The following ABCD3 variants were observed in gnomAD, a reference collection of about 807,000 sequenced individuals.
ABCD3 encodes ATP binding cassette subfamily D member 3, also known as ATP-binding cassette sub-family D member 3.
ABCD3 carries 41 observed loss-of-function variants against 105.5 expected under a neutral mutation model. That is an observed-to-expected ratio of 0.39 (90% CI 0.30 to 0.50). The LOEUF is 0.50. ABCD3 is among the 20% of genes least tolerant of loss of function. The pLI is 0.84. For missense variants in ABCD3, 622 were observed against 806.3 expected (o/e 0.77, Z 2.77); for synonymous variants, 258 against 269.0 (o/e 0.96, Z 0.40).
At chr1:94,486,463 C>T (rs1047947016) in intron 10 of ABCD3, among the ~76,000 whole-genome samples, 6 of 152,186 alleles carry the variant, frequency 3.9e-5, no homozygotes, top group African/African-American at 1.2e-4. Context: ...GTGTCTGACA[C>T]ATGGTAGTCA....
intron 1 of ABCD3, 103 bp downstream of exon 1, chr1:94,418,691 C>A: frequency 7.7e-7 from 1 of 1,298,344 alleles, no homozygotes; most frequent in Non-Finnish European, 1.1e-6. Flanking sequence ...CCGACGGGGT[C>A]GGGCGGAGAG....
chr1:94,386,918 A>G, the ABCD3 span, among the ~76,000 whole-genome samples: 8,897 of 152,236 alleles, frequency 0.058, 294 homozygotes, highest in East Asian at 0.11. Context: ...AATGAGCAGC[A>G]TTTCTTTTAT....
At position 94,477,227 on chromosome 1, in the gene ABCD3, CAAAAAAAAAAAAAA is replaced by C. The variant is rs561060182; in HGVS notation, c.628-1017_628-1004del. ...TCTAGCTTCTTGATAACTTATAAGG[CAAAAAAAAAAAAAA>C]AAAAAAAAAAAAAAGGAAAGGGAAA... is the stretch of plus-strand genomic sequence containing the variant. On this transcript the variant is annotated intron_variant, in intron 7 of 22. Transcript: ENST00000370214. Among the ~76,000 whole-genome samples the C allele has an allele frequency of 3.7e-3, 162 of 44,330 alleles. 4 individuals are homozygous for C. Among genetic ancestry groups the C allele is most frequent in the African/African-American group, 4.9e-3 (55 of 11,306 alleles). 29.1% of individuals were successfully genotyped at this position (44,330 alleles called of 152,430 possible).
At chr1:94,499,143 C>G in intron 19 of ABCD3, 109 bp downstream of exon 19, 1 of 1,029,798 alleles carries the variant, frequency 9.7e-7, no homozygotes, top group Non-Finnish European at 1.5e-6. Context: ...GTAAAGCCTT[C>G]CAAAGCTGTA....
At chr1:94,455,718 T>C in intron 1 of ABCD3, 4 of 597,926 alleles carry the variant, frequency 6.7e-6, no homozygotes, top group Non-Finnish European at 1.1e-5. Context: ...GATGTCATGG[T>C]TCCCTCTGAA....
intron 2 of ABCD3, among the ~76,000 whole-genome samples, chr1:94,460,957 ATTTTACTCATTT>A (rs1557672406): frequency 1.3e-5 from 2 of 151,984 alleles, no homozygotes; most frequent in African/African-American, 4.8e-5. Flanking sequence ...AGCTAGATTC[ATTTTACTCATTT>A]TTTTCTTATT....
At chr1:94,497,984 A>G (rs1438857223) in intron 16 of ABCD3, among the ~76,000 whole-genome samples, 2 of 152,220 alleles carry the variant, frequency 1.3e-5, no homozygotes, top group Non-Finnish European at 2.9e-5. Context: ...GAGACTGTGT[A>G]TACGCATGTA....
rs534392613 is a variant in ABCD3 at position 94,495,891 on chromosome 1, G to A, written c.1387-2711G>A. Among the ~76,000 whole-genome samples, 245 of 152,182 alleles carry A rather than the reference G, an allele frequency of 1.6e-3. 2 individuals carry two copies. Among genetic ancestry groups the A allele is most frequent in the Non-Finnish European group, 2.3e-3 (154 of 67,986 alleles). On this transcript the variant is annotated intron_variant, in intron 16 of 22. Coordinates refer to ENST00000370214, the MANE Select transcript of ABCD3 (RefSeq NM_002858.4). ...TTATATGATAACCTTGCTTTATGAG[G>A]AACATTCAGTATATTCAATTTTATG... is the stretch of plus-strand genomic sequence containing the variant.
chr1:94,451,565 C>A (rs1426827337), intron 1 of ABCD3, among the ~76,000 whole-genome samples: 2 of 152,178 alleles, frequency 1.3e-5, no homozygotes, highest in Non-Finnish European at 2.9e-5. Context: ...ATTTATATCA[C>A]TGTATTTCCA....
At chr1:94,510,971 G>A (rs1430612175) in intron 21 of ABCD3, among the ~76,000 whole-genome samples, 3 of 151,972 alleles carry the variant, frequency 2.0e-5, no homozygotes, top group African/African-American at 7.3e-5. Flanking sequence ...TCTTTTAATT[G>A]GAGCATTTAG....
chr1:94,505,756 G>A lies in ABCD3; in HGVS notation c.1741-782G>A, dbSNP rs749584196. Reference sequence around the variant, plus strand: ...CTCAGAAGTAGGAGGAAACTTAGGTGCATGGTTTCACTATCACTTTCTCAA... The same window carrying A: ...CTCAGAAGTAGGAGGAAACTTAGGTACATGGTTTCACTATCACTTTCTCAA... On this transcript the variant is annotated intron_variant, in intron 20 of 22. Coordinates refer to ENST00000370214, the MANE Select transcript of ABCD3 (RefSeq NM_002858.4). Among the ~76,000 whole-genome samples the A allele has an allele frequency of 3.3e-5, 5 of 152,168 alleles. 1 individual carries two copies. Among genetic ancestry groups the A allele is most frequent in the Admixed American group, 3.3e-4 (5 of 15,270 alleles).
chr1:94,465,870 C>T (rs1016982972), intron 3 of ABCD3, among the ~76,000 whole-genome samples: 5 of 152,162 alleles, frequency 3.3e-5, no homozygotes, highest in African/African-American at 9.7e-5. Context: ...CTAGAAGTAT[C>T]ATTACCTTCA....
chr1:94,480,368 T>C, intron 8 of ABCD3, 96 bp from the exon 9 acceptor site: 2 of 1,492,650 alleles, frequency 1.3e-6, no homozygotes, highest in Non-Finnish European at 1.9e-6. Context: ...CTTTCAGTCA[T>C]TGAGGTTAAT....
At chr1:94,411,375 G>C in the ABCD3 span, among the ~76,000 whole-genome samples, 2 of 152,084 alleles carry the variant, frequency 1.3e-5, no homozygotes, top group African/African-American at 4.8e-5. Context: ...GTGAAAAGAT[G>C]CTCAAAATCA....
At position 94,467,976 on chromosome 1, in the gene ABCD3, T is replaced by C; in HGVS notation, c.304T>C (p.Trp102Arg). ...MLVSRTYCDV[W>R]MIQNGTLIES... The stretch of plus-strand genomic sequence containing the variant: ...GGTGTCTCGAACATATTGTGATGTT[T>C]GGATGATTCAAAATGGGACACTAAT... The change falls in exon 4 of 23, where the codon TGG (tryptophan) becomes CGG (arginine). Residue 102 changes from tryptophan to arginine, a missense_variant. Physicochemically the swap from Trp to Arg is moderately radical, Grantham distance 101. Around this residue, in one of 4 missense-constraint regions of ABCD3, gnomAD observed 245 missense variants for 356.4 expected, o/e 0.69. Coordinates refer to ENST00000370214, the MANE Select transcript of ABCD3 (RefSeq NM_002858.4). The C allele has an allele frequency of 1.2e-6, 2 of 1,613,576 alleles. No individual in the cohort carries two copies. Among genetic ancestry groups the C allele is most frequent in the Non-Finnish European group, 1.7e-6 (2 of 1,179,654 alleles).
In ABCD3 at chr1:94,419,319, T is replaced by C; in HGVS notation, c.110+731T>C. 4 of 985,212 alleles carry C rather than the reference T, an allele frequency of 4.1e-6. No individual in the cohort carries two copies. In the South Asian group the frequency reaches 1.9e-4, roughly 46 times the overall value. The allele number at this position is 985,212 out of a possible 1,614,324, so 61.0% of individuals were successfully genotyped here. A position where few individuals can be genotyped will look rare whatever the true frequency, so the allele number is the denominator to read the frequency against. On this transcript the variant is annotated intron_variant, in intron 1 of 22. Coordinates refer to ENST00000370214, the MANE Select transcript of ABCD3 (RefSeq NM_002858.4). ...CTGTAGGTGAAAGATGAGAGTGTGGTTTAGGTGAGGATCAAGCTCCTTTTT... is the reference window on the plus strand; with the variant it reads ...CTGTAGGTGAAAGATGAGAGTGTGGCTTAGGTGAGGATCAAGCTCCTTTTT...
At chr1:94,438,303 CACACA>C (rs1659988432) in intron 1 of ABCD3, among the ~76,000 whole-genome samples, 1 of 45,170 alleles carries the variant, frequency 2.2e-5, no homozygotes, top group Non-Finnish European at 4.1e-5. Flanking sequence ...CACACACATA[CACACA>C]CACACACACA....
At chr1:94,402,899 C>T in the ABCD3 span, among the ~76,000 whole-genome samples, 1 of 151,332 alleles carries the variant, frequency 6.6e-6, no homozygotes, top group Non-Finnish European at 1.5e-5. Context: ...GTGCGCTGCA[C>T]CCATTAACTC....
At chr1:94,471,065 G>T (rs1051851006) in intron 4 of ABCD3, among the ~76,000 whole-genome samples, 1 of 152,160 alleles carries the variant, frequency 6.6e-6, no homozygotes. Flanking sequence ...CTAGAAGCTG[G>T]AGTTGAGAGC....
Sources: allele counts gnomAD v4.1 joint callset (sites outside exome capture counted in the v4.1 genomes callset), GRCh38; gene constraint gnomAD v4.1.1; regional missense constraint gnomAD v4.1.1; transcripts MANE v1.5; gene names NCBI Gene and HGNC (gene_info 2026-07-23, HGNC 2026-07-21).